The following DDO variants were observed in gnomAD, a reference collection of about 807,000 sequenced individuals.
The protein encoded by DDO is D-aspartate oxidase, DDO.
DDO carries 16 observed loss-of-function variants against 16.8 expected under a neutral mutation model. The ratio of observed to expected loss-of-function variants is 0.95; its 90% confidence interval spans 0.65 to 1.45. The LOEUF (loss-of-function observed/expected upper bound fraction) is 1.45. Ranked by LOEUF, DDO falls within the 40% of genes most tolerant of loss-of-function variation. The probability of loss-of-function intolerance (pLI) is 0.00; values close to 1 mark genes in which losing one functional copy is unlikely to be tolerated. For synonymous variants in DDO, 180 were observed against 167.2 expected, an observed-to-expected ratio of 1.08 and a Z score of -0.59; for missense variants, 429 against 420.3, an observed-to-expected ratio of 1.02 and a Z score of -0.18.
chr6:110,392,379 A>G lies in DDO; in HGVS notation c.*396T>C. The G allele has an allele frequency of 3.0e-6, 3 of 990,668 alleles. No individual in the cohort carries two copies. Among genetic ancestry groups the G allele is most frequent in the Non-Finnish European group, 2.4e-6 (2 of 833,806 alleles). 61.4% of individuals were successfully genotyped at this position (990,668 alleles called of 1,614,324 possible). Reference sequence around the variant, plus strand: ...TATAAATCTGCATAGGTCCTTGGACATCAGTTCTAAATAAATTTTACTCTA... The same window carrying G: ...TATAAATCTGCATAGGTCCTTGGACGTCAGTTCTAAATAAATTTTACTCTA... On this transcript the variant is annotated 3_prime_UTR_variant, in exon 5 of 5. Coordinates refer to ENST00000368924, the MANE Select transcript of DDO (RefSeq NM_001372108.2).
At chr6:110,402,708 G>A (rs1355273885) in intron 4 of DDO, among the ~76,000 whole-genome samples, 1 of 152,138 alleles carries the variant, frequency 6.6e-6, no homozygotes, top group Non-Finnish European at 1.5e-5. Flanking sequence ...TAAAAAGAAA[G>A]CGAAAATAAT....
intron 2 of DDO, among the ~76,000 whole-genome samples, chr6:110,412,772 T>C (rs918273830): frequency 1.3e-5 from 2 of 152,224 alleles, no homozygotes; most frequent in African/African-American, 4.8e-5. Context: ...AACTTTTGCC[T>C]TTTAAGCTGC....
intron 4 of DDO, among the ~76,000 whole-genome samples, chr6:110,394,177 T>G (rs1773213327): frequency 6.6e-6 from 1 of 151,992 alleles, no homozygotes. Flanking sequence ...TGATCTCAGC[T>G]CACTGCAGCC....
At chr6:110,398,564 A>G (rs1773370328) in intron 4 of DDO, among the ~76,000 whole-genome samples, 1 of 152,138 alleles carries the variant, frequency 6.6e-6, no homozygotes, top group South Asian at 2.1e-4. Context: ...GGGGGCTGTG[A>G]TGCGGACAGC....
At chr6:110,410,606 G>T (rs1283418686) in intron 2 of DDO, among the ~76,000 whole-genome samples, 2 of 152,200 alleles carry the variant, frequency 1.3e-5, no homozygotes, top group Admixed American at 6.5e-5. Flanking sequence ...AGAGAAGAAT[G>T]AGAGCTGAGC....
At chr6:110,401,523 G>A (rs2114822378) in intron 4 of DDO, among the ~76,000 whole-genome samples, 1 of 151,542 alleles carries the variant, frequency 6.6e-6, no homozygotes, top group Non-Finnish European at 1.5e-5. Context: ...CAGTTTGAAG[G>A]GGCTCCTACT....
intron 4 of DDO, 32 bp from the exon 5 acceptor site, chr6:110,393,374 G>C (rs377287175): frequency 2.0e-6 from 3 of 1,531,648 alleles, no homozygotes; most frequent in Non-Finnish European, 2.6e-6. Context: ...GTGAATATTT[G>C]TTAGCGACCT....
intron 2 of DDO, among the ~76,000 whole-genome samples, chr6:110,409,560 C>T (rs915411767): frequency 1.8e-4 from 28 of 152,168 alleles, no homozygotes; most frequent in Non-Finnish European, 3.2e-4. Flanking sequence ...ATGTCAGTAG[C>T]GGGATTTTCA....
chr6:110,401,441 T>C (rs1773482116), intron 4 of DDO, among the ~76,000 whole-genome samples: 1 of 145,928 alleles, frequency 6.9e-6, no homozygotes, highest in Admixed American at 7.1e-5. Flanking sequence ...AATTTTGTTG[T>C]GCCCCAAAGT....
chr6:110,392,740 A>T lies in DDO; in HGVS notation c.*35T>A. Reference sequence around the variant, plus strand: ...GAACCTGTTCTGTGCTTTGATCAACAGTCTCTCAGTCTCTTTGCTGTCATT... The same window carrying T: ...GAACCTGTTCTGTGCTTTGATCAACTGTCTCTCAGTCTCTTTGCTGTCATT... On this transcript the variant is annotated 3_prime_UTR_variant, in exon 5 of 5. Transcript: ENST00000368924. 6.6e-7 allele frequency: 1 copy of T among 1,504,314 alleles called. No individual in the cohort carries two copies. Among genetic ancestry groups the T allele is most frequent in the Non-Finnish European group, 8.9e-7 (1 of 1,129,554 alleles). The allele number at this position is 1,504,314 out of a possible 1,614,324, so 93.2% of individuals were successfully genotyped here.
At chr6:110,415,441 T>C (rs544509927) in intron 1 of DDO, 26 bp downstream of exon 1, 80 of 1,613,580 alleles carry the variant, frequency 5.0e-5, no homozygotes, top group Non-Finnish European at 6.7e-5. Flanking sequence ...GAACGACCCC[T>C]CAGCTGAAAG....
chr6:110,389,660 AAGTT>A (rs1293865727), downstream of DDO, among the ~76,000 whole-genome samples: 1 of 151,854 alleles, frequency 6.6e-6, no homozygotes, highest in African/African-American at 2.4e-5. Flanking sequence ...GGTTGGTCCT[AAGTT>A]AGAAGTGGGG....
At position 110,415,561 on chromosome 6, in the gene DDO, A is replaced by C; in HGVS notation, c.-99T>G. On this transcript the variant is annotated 5_prime_UTR_variant, in exon 1 of 5. Coordinates refer to ENST00000368924, the MANE Select transcript of DDO (RefSeq NM_001372108.2). ...GCTGGTCTCATGCCCTGAGAGACAGAGAGAAAGCGAAACTGATTCCCATTG... is the reference window on the plus strand; with the variant it reads ...GCTGGTCTCATGCCCTGAGAGACAGCGAGAAAGCGAAACTGATTCCCATTG... The C allele has an allele frequency of 6.2e-7, 1 of 1,613,504 alleles. No homozygotes were observed.
At chr6:110,415,137 G>A (rs575509682) in intron 1 of DDO, among the ~76,000 whole-genome samples, 74 of 152,368 alleles carry the variant, frequency 4.9e-4, no homozygotes, top group African/African-American at 1.7e-3. Flanking sequence ...GGAAGAGAAG[G>A]GAACGGGCCC....
At chr6:110,391,724 A>G (rs2114802445), downstream of DDO, 1 of 152,316 alleles carries the variant, frequency 6.6e-6, no homozygotes, top group Admixed American at 6.5e-5. Context: ...AGGATTCACA[A>G]TACACGTGCA....
In DDO at chr6:110,392,490, T is replaced by G; in HGVS notation, c.*285A>C. ...CTAAGTAAGCCTACATGTTGCATCA[T>G]TTCTTTTGTTGTTGGTGTTTTTTTT... On this transcript the variant is annotated 3_prime_UTR_variant, in exon 5 of 5. Coordinates refer to ENST00000368924, the MANE Select transcript of DDO (RefSeq NM_001372108.2). 5 of 1,114,862 alleles carry G rather than the reference T, an allele frequency of 4.5e-6. No individual in the cohort carries two copies. Among genetic ancestry groups the G allele is most frequent in the East Asian group, 5.0e-5 (1 of 20,114 alleles). The allele number at this position is 1,114,862 out of a possible 1,614,324, so 69.1% of individuals were successfully genotyped here.
chr6:110,389,137 T>C (rs1008387124), downstream of DDO, among the ~76,000 whole-genome samples: 2 of 152,204 alleles, frequency 1.3e-5, no homozygotes. Context: ...GTTGAAGGCC[T>C]GAATAGAAGA....
At chr6:110,395,606 A>G (rs1773264478) in intron 4 of DDO, among the ~76,000 whole-genome samples, 1 of 152,054 alleles carries the variant, frequency 6.6e-6, no homozygotes, top group African/African-American at 2.4e-5. Flanking sequence ...CCCCTAAGAG[A>G]GCAGAAGTGA....
chr6:110,405,602 G>T (rs1582484954), intron 3 of DDO, among the ~76,000 whole-genome samples: 1 of 152,124 alleles, frequency 6.6e-6, no homozygotes, highest in Non-Finnish European at 1.5e-5. Flanking sequence ...GTAAATATTG[G>T]GTTGTTTTCA....
Sources: gnomAD v4.1 joint callset for allele counts (sites outside exome capture counted in the v4.1 genomes callset) on GRCh38, gnomAD v4.1.1 for gene constraint, MANE v1.5 for transcripts, NCBI Gene and HGNC (gene_info 2026-07-23, HGNC 2026-07-21) for gene names.